Variants in ZNF786 observed in about 807,000 individuals in gnomAD.
The protein encoded by ZNF786 is zinc finger protein 786.
A neutral mutation model predicts 63.1 loss-of-function variants in ZNF786; 56 were observed. The observed-to-expected ratio is 0.89, with a 90% CI of 0.72 to 1.11. ZNF786 has a LOEUF of 1.11. Among genes scored for constraint, ZNF786 ranks in the 50% least tolerant of loss-of-function variants. The pLI, the probability that ZNF786 is intolerant of heterozygous loss-of-function variation, is 0.00. For missense variants in ZNF786, 1,213 were observed against 1,041.8 expected (o/e 1.16, Z -2.26); for synonymous variants, 485 against 406.9 (o/e 1.19, Z -2.31).
chr7:149,082,363 T>C (rs1033263681), intron 1 of ZNF786: 1 of 192,816 alleles, frequency 5.2e-6, no homozygotes, highest in African/African-American at 2.3e-5. Context: ...ATGCAGTGTA[T>C]GCAAATGTTC....
At chr7:149,083,567 A>T (rs10278971) in intron 1 of ZNF786, among the ~76,000 whole-genome samples, 90,790 of 151,552 alleles carry the variant, frequency 0.6, 28,573 homozygotes, top group East Asian at 0.9. Flanking sequence ...GTTTCAGGCA[A>T]ACATGTGCAA....
intron 1 of ZNF786, among the ~76,000 whole-genome samples, chr7:149,085,857 T>C (rs1489455447): frequency 6.6e-6 from 1 of 152,240 alleles, no homozygotes; most frequent in African/African-American, 2.4e-5. Context: ...TGAATGGGAC[T>C]GTATTCTTGA....
chr7:149,075,208 C>T (rs1487149772), intron 2 of ZNF786, among the ~76,000 whole-genome samples: 4 of 152,064 alleles, frequency 2.6e-5, no homozygotes, highest in Admixed American at 2.0e-4. Flanking sequence ...GGCAAAAATG[C>T]GGTCAAAAAG....
At position 149,069,766 on chromosome 7, in the gene ZNF786, G is replaced by A. The variant is rs1027796651; in HGVS notation, c.*657C>T. 6.6e-6 allele frequency: 1 copy of A among 152,328 alleles called. No individual in the cohort carries two copies. The highest frequency in any genetic ancestry group is 2.4e-5 in the African/African-American group (1 of 41,242). 9.4% of individuals were successfully genotyped at this position (152,328 alleles called of 1,614,324 possible). ...AGCTTCAGGAGTAGCTGGGACTACT[G>A]GTGTGTACCACCATGCCTGGCTAAT... On this transcript the variant is annotated 3_prime_UTR_variant, in exon 4 of 4. Coordinates refer to ENST00000491431, the MANE Select transcript of ZNF786 (RefSeq NM_152411.4).
Position 149,072,385 on chromosome 7 carries a change from G to A in ZNF786, c.387C>T (p.Ser129=). ...GGGTGATGCCTTGGTCAGGCCTGAA[G>A]GAAACAAAGGATCCAAAGGAACACT... is the stretch of plus-strand genomic sequence containing the variant. ...ESQCSFGSFV[S]FRPDQGITLG... The change falls in exon 4 of 4, where the codon TCC becomes TCT. Residue 129 remains serine (S), a synonymous_variant. Coordinates refer to ENST00000491431, the MANE Select transcript of ZNF786 (RefSeq NM_152411.4). The A allele has an allele frequency of 6.2e-7, 1 of 1,613,328 alleles. No individual in the cohort carries two copies. The highest frequency in any genetic ancestry group is 8.5e-7 in the Non-Finnish European group (1 of 1,179,652).
rs191711263 is a variant in ZNF786, at chr7:149,070,870, G to A, written c.1902C>T (p.Ala634=). ...PECDKRYRVK[A]DMKAHQLLHS... ...GCAGCAGCTGGTGGGCCTTCATGTCGGCCTTCACGCGATAGCGCTTGTCGC... is the reference window on the plus strand; with the variant it reads ...GCAGCAGCTGGTGGGCCTTCATGTCAGCCTTCACGCGATAGCGCTTGTCGC... The change falls in exon 4 of 4, where the codon GCC becomes GCT. Residue 634 remains alanine (A), a synonymous_variant. Coordinates refer to ENST00000491431, the MANE Select transcript of ZNF786 (RefSeq NM_152411.4). The A allele has an allele frequency of 1.2e-5, 19 of 1,612,980 alleles. No homozygotes were observed. Among genetic ancestry groups the A allele is most frequent in the South Asian group, 2.2e-5 (2 of 91,038 alleles).
chr7:149,077,450 AC>A (rs1262126764), intron 2 of ZNF786, among the ~76,000 whole-genome samples: 5 of 151,648 alleles, frequency 3.3e-5, no homozygotes, highest in Non-Finnish European at 7.4e-5. Flanking sequence ...ACACGGTGAA[AC>A]CCCGTCTCTA....
Position 149,070,629 on chromosome 7 carries a change from C to T in ZNF786, c.2143G>A (p.Glu715Lys), listed in dbSNP as rs1825384679. The change falls in exon 4 of 4, where the codon GAA (glutamate) becomes AAA (lysine). Residue 715 changes from glutamate to lysine, a missense_variant. Glu to Lys is a moderately conservative substitution (Grantham distance 56). Coordinates refer to ENST00000491431, the MANE Select transcript of ZNF786 (RefSeq NM_152411.4). ...HCPECDKNFR[E>K]RGHMLRHQRI... ...TGGTGCCTCAGCATGTGTCCCCTTT[C>T]CCGGAAGTTCTTGTCACACTCAGGG... 1.9e-6 allele frequency: 3 copies of T among 1,613,982 alleles called. No individual in the cohort carries two copies. Among genetic ancestry groups the T allele is most frequent in the Non-Finnish European group, 1.7e-6 (2 of 1,179,898 alleles).
chr7:149,074,042 C>T (rs548130490), intron 3 of ZNF786, among the ~76,000 whole-genome samples: 40 of 151,844 alleles, frequency 2.6e-4, no homozygotes, highest in Non-Finnish European at 3.5e-4. Context: ...ATCTGCCCGC[C>T]TCGGCCACCC....
At chr7:149,087,144 C>A (rs942395272) in intron 1 of ZNF786, among the ~76,000 whole-genome samples, 2 of 152,160 alleles carry the variant, frequency 1.3e-5, no homozygotes, top group African/African-American at 4.8e-5. Context: ...TGCCCAGCCG[C>A]AAATCCAATT....
At chr7:149,074,070 G>A (rs1825497298) in intron 3 of ZNF786, among the ~76,000 whole-genome samples, 1 of 151,766 alleles carries the variant, frequency 6.6e-6, no homozygotes, top group South Asian at 2.1e-4. Context: ...TGGGATTACA[G>A]GCCTGAGCCA....
chr7:149,090,188 T>C (rs1040100877), intron 1 of ZNF786, among the ~76,000 whole-genome samples: 16 of 152,334 alleles, frequency 1.1e-4, no homozygotes, highest in Middle Eastern at 6.8e-3. Context: ...AATTCTGACA[T>C]TGAAGCCCCC....
chr7:149,079,171 G>A (rs1022101165), intron 2 of ZNF786, among the ~76,000 whole-genome samples: 1 of 152,226 alleles, frequency 6.6e-6, no homozygotes, highest in Non-Finnish European at 1.5e-5. Flanking sequence ...CACTTCGGGA[G>A]GCTGAGGAGG....
Position 149,071,433 on chromosome 7 carries a change from G to A in ZNF786, c.1339C>T (p.His447Tyr). 4 of 1,613,070 alleles carry A rather than the reference G, an allele frequency of 2.5e-6. No individual in the cohort carries two copies. The highest frequency in any genetic ancestry group is 2.5e-6 in the Non-Finnish European group (3 of 1,179,794). ...CACCGGAAAGGCTTCTCTCCGCTGT[G>A]GACTCGAATGTGCTCCGTGAGTTTA... ...QCKLTEHIRV[H>Y]SGEKPFRCAK... The change falls in exon 4 of 4, where the codon CAC becomes TAC. Residue 447 changes from histidine to tyrosine, a missense_variant. Transcript: ENST00000491431.
intron 3 of ZNF786, among the ~76,000 whole-genome samples, chr7:149,073,732 T>C (rs140863095): frequency 6.4e-4 from 39 of 60,592 alleles, no homozygotes; most frequent in East Asian, 4.9e-3. Context: ...TGCGTGTGTG[T>C]GTGTGTGTGT....
intron 3 of ZNF786, among the ~76,000 whole-genome samples, chr7:149,073,505 C>T (rs1290903410): frequency 6.6e-6 from 1 of 151,832 alleles, no homozygotes; most frequent in Admixed American, 6.6e-5. Flanking sequence ...TTCAAGACTG[C>T]AGTGAGCTAT....
chr7:149,076,315 A>G (rs1825548117), intron 2 of ZNF786, among the ~76,000 whole-genome samples: 1 of 151,106 alleles, frequency 6.6e-6, no homozygotes, highest in South Asian at 2.1e-4. Context: ...GGGTTTCTCC[A>G]TGTTGGTCAG....
At chr7:149,081,501 T>C (rs1014893668) in intron 1 of ZNF786, among the ~76,000 whole-genome samples, 12 of 151,268 alleles carry the variant, frequency 7.9e-5, no homozygotes, top group African/African-American at 2.7e-4. Context: ...GTGCTTTTAC[T>C]TCTTCAGGAT....
chr7:149,079,388 G>C (rs896518133), intron 2 of ZNF786, among the ~76,000 whole-genome samples: 13 of 151,268 alleles, frequency 8.6e-5, no homozygotes, highest in Admixed American at 5.9e-4. Context: ...CAGCCTGGGC[G>C]ACGGAGCCAG....
Sources: gnomAD v4.1 joint callset for allele counts (sites outside exome capture counted in the v4.1 genomes callset) on GRCh38, gnomAD v4.1.1 for gene constraint, MANE v1.5 for transcripts, NCBI Gene and HGNC (gene_info 2026-07-23, HGNC 2026-07-21) for gene names.